SHPRH: variants seen among roughly 807,000 people sequenced by gnomAD.
SHPRH encodes E3 ubiquitin-protein ligase SHPRH.
SHPRH carries 106 observed loss-of-function variants against 202.5 expected under a neutral mutation model. The ratio of observed to expected loss-of-function variants is 0.52; its 90% CI spans 0.45 to 0.62. The LOEUF is 0.62. SHPRH is among the 20% of genes least tolerant of loss of function. SHPRH has a pLI of 0.00. For missense variants in SHPRH, 1,710 were observed against 2,020.0 expected, an observed-to-expected ratio of 0.85 and a Z score of 2.94; for synonymous variants, 729 against 686.0, an observed-to-expected ratio of 1.06 and a Z score of -0.98.
chr6:145,930,041 C>T (rs979468702), intron 14 of SHPRH, among the ~76,000 whole-genome samples: 5 of 152,014 alleles, frequency 3.3e-5, no homozygotes, highest in Non-Finnish European at 7.4e-5. Context: ...CAATATATAC[C>T]ATTTCACAGG....
At chr6:145,942,917 A>G (rs541656191) in intron 9 of SHPRH, among the ~76,000 whole-genome samples, 4 of 152,330 alleles carry the variant, frequency 2.6e-5, no homozygotes, top group Non-Finnish European at 5.9e-5. Context: ...CCACATCTTT[A>G]TACTCAAAAT....
At chr6:145,871,982 C>A (rs1364684447) in intron 2 of SHPRH, among the ~76,000 whole-genome samples, 1 of 152,138 alleles carries the variant, frequency 6.6e-6, no homozygotes, top group East Asian at 1.9e-4. Flanking sequence ...GCTGGGAGAA[C>A]TAGCTAGCCA....
At chr6:145,903,302 G>A (rs972234860) in intron 25 of SHPRH, 2 of 151,052 alleles carry the variant, frequency 1.3e-5, no homozygotes, top group African/African-American at 4.9e-5. Flanking sequence ...TGAGACAGAT[G>A]TCACAAATGA....
At chr6:145,953,227 G>C (rs1404497767) in intron 2 of SHPRH, among the ~76,000 whole-genome samples, 2 of 151,956 alleles carry the variant, frequency 1.3e-5, no homozygotes, top group African/African-American at 2.4e-5. Context: ...TTTCACTACA[G>C]AACAGGAATC....
chr6:145,928,290 T>C (rs1407632102), intron 14 of SHPRH, among the ~76,000 whole-genome samples: 1 of 151,926 alleles, frequency 6.6e-6, no homozygotes, highest in East Asian at 1.9e-4. Flanking sequence ...GCTTGAATAA[T>C]AGAATCTATC....
At chr6:145,925,368 A>ACACACACACACACATG (rs909521842) in intron 16 of SHPRH, among the ~76,000 whole-genome samples, 1 of 151,250 alleles carries the variant, frequency 6.6e-6, no homozygotes, top group Admixed American at 6.7e-5. Context: ...ACACACACAC[A>ACACACACACACACATG]CATGCATGCA....
chr6:145,880,679 G>A (rs1365372283), downstream of SHPRH, among the ~76,000 whole-genome samples: 2 of 150,902 alleles, frequency 1.3e-5, no homozygotes, highest in Non-Finnish European at 3.0e-5. Context: ...TTTCAGGAAG[G>A]GTACACATGC....
rs1784532222 is a variant in SHPRH at position 145,922,770 on chromosome 6, C to A, written c.3612G>T (p.Gln1204His). 1 of 1,611,980 alleles carries A rather than the reference C, an allele frequency of 6.2e-7. No homozygotes were observed. The highest frequency in any genetic ancestry group is 8.5e-7 in the Non-Finnish European group (1 of 1,178,798). Residue 1204 changes from glutamine (Q) to histidine (H), a missense_variant, in exon 19 of 30, where the codon CAG becomes CAT. Physicochemically the swap from Gln to His is conservative, Grantham distance 24 (BLOSUM62 0). Transcript: ENST00000275233. The part of the protein sequence containing the change: ...TTQMEELNKC[Q>H]KLVREAVKNL... ...TTTTTACAGCCTCTCTTACTAGCTTCTGGCATTTATTTAGCTCTTCCATTT... is the reference window on the plus strand; with the variant it reads ...TTTTTACAGCCTCTCTTACTAGCTTATGGCATTTATTTAGCTCTTCCATTT...
chr6:145,899,278 CCT>C (rs768158507), intron 25 of SHPRH, among the ~76,000 whole-genome samples: 2 of 151,988 alleles, frequency 1.3e-5, no homozygotes, highest in Non-Finnish European at 2.9e-5. Context: ...TACCACACTC[CCT>C]GATTCTAAAA....
chr6:145,872,359 C>A (rs754958053), intron 2 of SHPRH, among the ~76,000 whole-genome samples: 14 of 151,926 alleles, frequency 9.2e-5, no homozygotes, highest in Non-Finnish European at 1.8e-4. Flanking sequence ...AAAAAAGCAA[C>A]CCCATTAAAA....
intron 2 of SHPRH, among the ~76,000 whole-genome samples, chr6:145,870,595 T>C (rs940500292): frequency 3.3e-5 from 5 of 152,206 alleles, no homozygotes; most frequent in African/African-American, 9.6e-5. Context: ...ATGTCATCTG[T>C]GAACAAAGAC....
intron 2 of SHPRH, among the ~76,000 whole-genome samples, chr6:145,877,129 C>T (rs1169716534): frequency 2.6e-5 from 4 of 152,184 alleles, no homozygotes; most frequent in Non-Finnish European, 5.9e-5. Context: ...AGGTACCTGC[C>T]AGACTGTTCA....
chr6:145,875,184 T>C (rs1190671196), intron 2 of SHPRH, among the ~76,000 whole-genome samples: 1 of 152,244 alleles, frequency 6.6e-6, no homozygotes, highest in Admixed American at 6.5e-5. Flanking sequence ...TGGTTAGTTC[T>C]TCCTTGGCTT....
intron 21 of SHPRH, among the ~76,000 whole-genome samples, chr6:145,920,281 G>A (rs1453890047): frequency 6.6e-6 from 1 of 151,982 alleles, no homozygotes; most frequent in Non-Finnish European, 1.5e-5. Context: ...CTGGACAAAG[G>A]GTATGTGGCC....
At chr6:145,942,998 TTTTC>T (rs1181081012) in intron 9 of SHPRH, 141 bp downstream of exon 9, 4 of 932,936 alleles carry the variant, frequency 4.3e-6, no homozygotes, top group African/African-American at 3.3e-5. Flanking sequence ...GTCTCAATTT[TTTTC>T]TTTAAGCTTT....
intron 1 of SHPRH, among the ~76,000 whole-genome samples, chr6:145,958,775 G>A (rs1464981027): frequency 6.6e-6 from 1 of 152,124 alleles, no homozygotes; most frequent in Non-Finnish European, 1.5e-5. Context: ...CCATAAGGGA[G>A]CTGAAAAATT....
At chr6:145,884,309 A>C (rs1780808318), downstream of SHPRH, 1 of 152,232 alleles carries the variant, frequency 6.6e-6, no homozygotes, top group Non-Finnish European at 1.5e-5. Context: ...CGCTGCAATA[A>C]ACATAGCAGA....
chr6:145,865,867 T>G (rs1779757639), intron 2 of SHPRH, among the ~76,000 whole-genome samples: 1 of 152,248 alleles, frequency 6.6e-6, no homozygotes, highest in African/African-American at 2.4e-5. Flanking sequence ...TAACTTTCTT[T>G]GACTTAAGGT....
intron 6 of SHPRH, 77 bp from the exon 7 acceptor site, chr6:145,946,418 C>A: frequency 8.3e-7 from 1 of 1,199,102 alleles, no homozygotes; most frequent in East Asian, 2.6e-5. Flanking sequence ...ATTAACTTTC[C>A]TTCTTTATGG....
Sources: gnomAD v4.1 joint callset for allele counts (sites outside exome capture counted in the v4.1 genomes callset) on GRCh38, gnomAD v4.1.1 for gene constraint, MANE v1.5 for transcripts, NCBI Gene and HGNC (gene_info 2026-07-23, HGNC 2026-07-21) for gene names.